The following BBX variants were observed in gnomAD, a reference collection of about 807,000 sequenced individuals.
BBX encodes the protein HMG box transcription factor BBX.
BBX carries 30 observed loss-of-function variants against 100.2 expected under a neutral mutation model. The observed-to-expected ratio is 0.30, with a 90% CI of 0.22 to 0.41. The LOEUF (loss-of-function observed/expected upper bound fraction) is 0.41. BBX is among the 10% of genes least tolerant of loss of function. BBX has a pLI of 1.00. For synonymous variants in BBX, 376 were observed against 388.1 expected, an observed-to-expected ratio of 0.97 and a Z score of 0.37; for missense variants, 1,023 against 1,129.8, an observed-to-expected ratio of 0.91 and a Z score of 1.35.
At position 107,784,842 on chromosome 3, in the gene BBX, A is replaced by G. The variant is rs576293092; in HGVS notation, c.2204-4945A>G. On this transcript the variant is annotated intron_variant, in intron 13 of 17. Transcript: ENST00000325805. ...TTGATGAAATGAAATTAATTAAATA[A>G]TACTAAAACAGTAGAGAAAAATCAA... 1.6e-3 allele frequency among the ~76,000 whole-genome samples: 250 copies of G among 151,978 alleles called. 1 individual carries two copies. The highest frequency in any genetic ancestry group is 3.4e-3 in the Middle Eastern group (1 of 294).
At chr3:107,600,821 C>T (rs1319453566) in intron 2 of BBX, among the ~76,000 whole-genome samples, 1 of 152,192 alleles carries the variant, frequency 6.6e-6, no homozygotes, top group Non-Finnish European at 1.5e-5. Flanking sequence ...GGACTCACCT[C>T]TACACCACAG....
chr3:107,629,669 G>A (rs963053100), intron 2 of BBX, among the ~76,000 whole-genome samples: 3 of 152,070 alleles, frequency 2.0e-5, no homozygotes, highest in Non-Finnish European at 4.4e-5. Flanking sequence ...TCTGGTTGGA[G>A]CTTAGTGGTC....
chr3:107,638,346 A>G (rs1415729051), intron 2 of BBX, among the ~76,000 whole-genome samples: 6 of 152,148 alleles, frequency 3.9e-5, no homozygotes, highest in Admixed American at 3.9e-4. Context: ...TGAGCCATGG[A>G]GCCCAGCCTA....
intron 5 of BBX, among the ~76,000 whole-genome samples, chr3:107,717,991 C>T (rs57134358): frequency 0.034 from 5,089 of 151,458 alleles, 272 homozygotes; most frequent in African/African-American, 0.12. Flanking sequence ...TTAGACATCT[C>T]GGTATGTGAA....
intron 10 of BBX, among the ~76,000 whole-genome samples, chr3:107,756,979 C>T (rs897209732): frequency 3.3e-5 from 5 of 152,056 alleles, no homozygotes; most frequent in African/African-American, 9.7e-5. Flanking sequence ...TCTAGTAACT[C>T]TAAGACTGTA....
At chr3:107,767,637 C>A (rs994856019) in intron 10 of BBX, among the ~76,000 whole-genome samples, 11 of 152,188 alleles carry the variant, frequency 7.2e-5, no homozygotes, top group Admixed American at 2.6e-4. Context: ...TTCCTAGAAA[C>A]CTTTGAAAAT....
At chr3:107,530,168 G>A (rs2048059915) in intron 2 of BBX, among the ~76,000 whole-genome samples, 1 of 152,254 alleles carries the variant, frequency 6.6e-6, no homozygotes, top group South Asian at 2.1e-4. Context: ...GAAGCAAGTG[G>A]ATCACCTGAG....
chr3:107,624,125 G>A (rs892045215), intron 2 of BBX, among the ~76,000 whole-genome samples: 3 of 152,130 alleles, frequency 2.0e-5, no homozygotes, highest in African/African-American at 4.8e-5. Flanking sequence ...GTGTAACTCC[G>A]AGAAAGCTTC....
intron 2 of BBX, among the ~76,000 whole-genome samples, chr3:107,570,585 C>T (rs1417880107): frequency 1.3e-5 from 2 of 152,076 alleles, no homozygotes; most frequent in South Asian, 2.1e-4. Flanking sequence ...TAAGAGGAAA[C>T]TGTTGGGCAG....
intron 2 of BBX, among the ~76,000 whole-genome samples, chr3:107,633,681 C>G: frequency 6.6e-6 from 1 of 152,210 alleles, no homozygotes; most frequent in Non-Finnish European, 1.5e-5. Context: ...CATTTTTAGA[C>G]AGATCTGATG....
intron 3 of BBX, among the ~76,000 whole-genome samples, chr3:107,669,243 G>T (rs1426367827): frequency 1.3e-5 from 2 of 152,120 alleles, no homozygotes; most frequent in Admixed American, 1.3e-4. Context: ...AGAGAATTAA[G>T]AATTTAGAGG....
chr3:107,584,933 C>T (rs530876274), intron 2 of BBX, among the ~76,000 whole-genome samples: 3 of 151,854 alleles, frequency 2.0e-5, no homozygotes, highest in Admixed American at 6.6e-5. Flanking sequence ...CTGCCCACCT[C>T]GTCCTCCCAA....
At chr3:107,584,090 ATATAT>A (rs1273925978) in intron 2 of BBX, among the ~76,000 whole-genome samples, 1 of 9,890 alleles carries the variant, frequency 1.0e-4, no homozygotes, top group East Asian at 5.5e-4. Flanking sequence ...TATATATATC[ATATAT>A]TATATATATT....
At chr3:107,711,179 C>A in intron 4 of BBX, 2 of 373,072 alleles carry the variant, frequency 5.4e-6, no homozygotes, top group Non-Finnish European at 1.1e-5. Context: ...GTTCGTCCCA[C>A]CCAACTCATT....
intron 13 of BBX, among the ~76,000 whole-genome samples, chr3:107,780,077 A>G (rs2067720193): frequency 6.6e-6 from 1 of 152,134 alleles, no homozygotes; most frequent in Non-Finnish European, 1.5e-5. Flanking sequence ...GCTTGTTGAC[A>G]GGTAGGGAGC....
chr3:107,544,224 C>G (rs2049053141), intron 2 of BBX, among the ~76,000 whole-genome samples: 1 of 152,112 alleles, frequency 6.6e-6, no homozygotes, highest in African/African-American at 2.4e-5. Flanking sequence ...CTATTCTGCT[C>G]CTTTGTGTAA....
chr3:107,692,441 C>A (rs951086811), intron 3 of BBX, among the ~76,000 whole-genome samples: 2 of 151,300 alleles, frequency 1.3e-5, no homozygotes, highest in African/African-American at 2.4e-5. Context: ...TGAGAACATG[C>A]GGTGTTTGGT....
At chr3:107,702,908 C>T (rs971322528) in intron 3 of BBX, among the ~76,000 whole-genome samples, 1 of 151,920 alleles carries the variant, frequency 6.6e-6, no homozygotes, top group African/African-American at 2.4e-5. Flanking sequence ...AAGCATGTGG[C>T]GGGTGTGGAG....
chr3:107,544,594 G>T (rs1057229153), intron 2 of BBX, among the ~76,000 whole-genome samples: 1 of 152,036 alleles, frequency 6.6e-6, no homozygotes, highest in African/African-American at 2.4e-5. Flanking sequence ...TAGAAGCCTG[G>T]CACAGTGGCT....
Sources: gnomAD v4.1 joint callset for allele counts (sites outside exome capture counted in the v4.1 genomes callset) on GRCh38, gnomAD v4.1.1 for gene constraint, MANE v1.5 for transcripts, NCBI Gene and HGNC (gene_info 2026-07-23, HGNC 2026-07-21) for gene names.